The following RBM47 variants were observed in gnomAD, a reference collection of about 807,000 sequenced individuals.
RBM47 encodes the protein RNA-binding protein 47.
A neutral mutation model predicts 47.1 loss-of-function variants in RBM47; 21 were observed. The observed-to-expected ratio is 0.45, with a 90% CI of 0.32 to 0.64. The LOEUF is 0.64. Ranked by LOEUF, RBM47 falls within the 30% of genes least tolerant of loss-of-function variation. The probability of loss-of-function intolerance (pLI) is 0.05; values close to 1 mark genes in which losing one functional copy is unlikely to be tolerated. For missense variants in RBM47, 708 were observed against 870.9 expected (o/e 0.81, Z 2.35); for synonymous variants, 375 against 361.7 (o/e 1.04, Z -0.42).
At chr4:40,444,516 C>G (rs931258348) in intron 3 of RBM47, among the ~76,000 whole-genome samples, 3 of 151,958 alleles carry the variant, frequency 2.0e-5, no homozygotes, top group African/African-American at 7.3e-5. Flanking sequence ...GCTCATAAAG[C>G]CTAAGGTATT....
At position 40,513,559 on chromosome 4, in the gene RBM47, C is replaced by T. The variant is rs141711134; in HGVS notation, c.-155+30863G>A. 6.8e-3 allele frequency among the ~76,000 whole-genome samples: 1,031 copies of T among 152,188 alleles called. 13 individuals are homozygous for T. The highest frequency in any genetic ancestry group is 0.024 in the African/African-American group (999 of 41,524). On this transcript the variant is annotated intron_variant, in intron 2 of 6. Transcript: ENST00000295971. ...GGCTGTAGCTTTATTATATTTTCTA[C>T]CCACCCAAAAAAGCTAGATTATAAA...
intron 1 of RBM47, among the ~76,000 whole-genome samples, chr4:40,592,074 T>C (rs1734195655): frequency 6.6e-6 from 1 of 152,198 alleles, no homozygotes; most frequent in African/African-American, 2.4e-5. Flanking sequence ...TCATTTATAA[T>C]AGGAGTCTCT....
chr4:40,440,169 T>G (rs907575249), intron 3 of RBM47, among the ~76,000 whole-genome samples: 1 of 152,232 alleles, frequency 6.6e-6, no homozygotes, highest in African/African-American at 2.4e-5. Flanking sequence ...TTTTTTGGAC[T>G]ATAAAAGTAT....
chr4:40,578,892 C>T (rs1235962380), intron 1 of RBM47, among the ~76,000 whole-genome samples: 3 of 152,050 alleles, frequency 2.0e-5, no homozygotes, highest in African/African-American at 7.2e-5. Flanking sequence ...CCAGGGAGGG[C>T]AGATCACTTG....
chr4:40,442,858 C>T (rs1192048425), intron 3 of RBM47, among the ~76,000 whole-genome samples: 5 of 151,950 alleles, frequency 3.3e-5, no homozygotes, highest in African/African-American at 4.8e-5. Flanking sequence ...ATTTTTAGTA[C>T]AGGTGGGGTT....
chr4:40,498,449 C>T (rs777724504), intron 2 of RBM47, among the ~76,000 whole-genome samples: 3 of 151,986 alleles, frequency 2.0e-5, no homozygotes, highest in Non-Finnish European at 4.4e-5. Flanking sequence ...GTAATCCCTG[C>T]GGGGGGATCA....
At chr4:40,621,906 G>C (rs1362767524) in intron 1 of RBM47, among the ~76,000 whole-genome samples, 1 of 152,224 alleles carries the variant, frequency 6.6e-6, no homozygotes, top group African/African-American at 2.4e-5. Context: ...CTCCATCAAG[G>C]ACTTGTGGTG....
chr4:40,437,090 A>AAAAAAATATATAT (rs1256296949), intron 4 of RBM47, among the ~76,000 whole-genome samples: 1 of 49,804 alleles, frequency 2.0e-5, no homozygotes, highest in Non-Finnish European at 3.3e-5. Flanking sequence ...AAAAAAAAAA[A>AAAAAAATATATAT]ATATATATAT....
In RBM47 at chr4:40,468,461, T is replaced by C. The variant is rs146747423; in HGVS notation, c.-154-1762A>G. Among the ~76,000 whole-genome samples the C allele has an allele frequency of 9.2e-5, 14 of 152,322 alleles. No individual in the cohort carries two copies. In the East Asian group the frequency reaches 2.7e-3, roughly 29 times the overall value. ...AATAAAACAGTTGCTGGTTGAAGTA[T>C]AGGTAGGGGATGTTGTCGGGAGGTG... is the stretch of plus-strand genomic sequence containing the variant. On this transcript the variant is annotated intron_variant, in intron 2 of 6. Coordinates refer to ENST00000295971, the MANE Select transcript of RBM47 (RefSeq NM_001098634.2).
intron 2 of RBM47, chr4:40,475,697 C>T (rs1267958627): frequency 6.6e-6 from 1 of 152,196 alleles, no homozygotes; most frequent in African/African-American, 2.4e-5. Context: ...CCCTACCTTT[C>T]CAATCTTGAT....
chr4:40,443,986 C>T (rs572672265), intron 3 of RBM47, among the ~76,000 whole-genome samples: 2 of 152,034 alleles, frequency 1.3e-5, no homozygotes, highest in African/African-American at 4.8e-5. Flanking sequence ...ATTGCTTAAG[C>T]TCAGGAGCAC....
At chr4:40,504,714 A>G (rs1221153873) in intron 2 of RBM47, among the ~76,000 whole-genome samples, 2 of 152,172 alleles carry the variant, frequency 1.3e-5, no homozygotes, top group Non-Finnish European at 2.9e-5. Context: ...AGGCCTTGTT[A>G]ATAGAAATTA....
At chr4:40,613,258 T>C (rs1736405311) in intron 1 of RBM47, among the ~76,000 whole-genome samples, 2 of 152,206 alleles carry the variant, frequency 1.3e-5, no homozygotes, top group Admixed American at 1.3e-4. Flanking sequence ...ACCTTTAAAC[T>C]TCAGGCATCT....
chr4:40,575,845 T>TC (rs1732245285), intron 1 of RBM47, among the ~76,000 whole-genome samples: 1 of 152,210 alleles, frequency 6.6e-6, no homozygotes, highest in Admixed American at 6.5e-5. Flanking sequence ...CTTCATGGTT[T>TC]CCTCTGTGCT....
At chr4:40,517,791 C>G (rs1053920922) in intron 2 of RBM47, among the ~76,000 whole-genome samples, 2 of 152,170 alleles carry the variant, frequency 1.3e-5, no homozygotes, top group African/African-American at 4.8e-5. Context: ...TGTCATTATT[C>G]CCTAAACAAT....
At chr4:40,445,003 G>A (rs904939231) in intron 3 of RBM47, among the ~76,000 whole-genome samples, 1 of 151,892 alleles carries the variant, frequency 6.6e-6, no homozygotes, top group African/African-American at 2.4e-5. Flanking sequence ...GGCCGGGCGC[G>A]GTGGCTCATG....
chr4:40,586,060 C>G (rs1733547903), intron 1 of RBM47, among the ~76,000 whole-genome samples: 1 of 152,212 alleles, frequency 6.6e-6, no homozygotes, highest in South Asian at 2.1e-4. Flanking sequence ...CAGCACTATG[C>G]AAAACGCCAT....
intron 2 of RBM47, among the ~76,000 whole-genome samples, chr4:40,531,499 T>G (rs745347520): frequency 6.6e-6 from 1 of 151,766 alleles, no homozygotes; most frequent in East Asian, 1.9e-4. Flanking sequence ...GGTTATGACT[T>G]TGAAATTCCA....
chr4:40,530,444 A>G (rs776215593), intron 2 of RBM47, among the ~76,000 whole-genome samples: 9 of 152,094 alleles, frequency 5.9e-5, no homozygotes, highest in Admixed American at 3.9e-4. Context: ...CTGGGACTAC[A>G]GGCACACGCC....
Sources: allele counts gnomAD v4.1 joint callset (sites outside exome capture counted in the v4.1 genomes callset), GRCh38; gene constraint gnomAD v4.1.1; transcripts MANE v1.5; gene names NCBI Gene and HGNC (gene_info 2026-07-23, HGNC 2026-07-21).